The following CTNND2 variants were observed in gnomAD, a reference collection of about 807,000 sequenced individuals.
CTNND2 encodes catenin delta 2, also known as catenin delta-2.
CTNND2 carries 22 observed loss-of-function variants against 144.4 expected under a neutral mutation model. The ratio of observed to expected loss-of-function variants is 0.15; its 90% CI spans 0.11 to 0.22. CTNND2 has a LOEUF of 0.22. Ranked by LOEUF, CTNND2 falls within the 10% of genes least tolerant of loss-of-function variation. The probability of loss-of-function intolerance (pLI) is 1.00; values close to 1 mark genes in which losing one functional copy is unlikely to be tolerated. For missense variants in CTNND2, 1,353 were observed against 1,618.8 expected (o/e 0.84, Z 2.82); for synonymous variants, 751 against 695.6 (o/e 1.08, Z -1.25).
chr5:11,293,422 A>C (rs867852611), intron 9 of CTNND2, among the ~76,000 whole-genome samples: 2 of 152,188 alleles, frequency 1.3e-5, no homozygotes, highest in Admixed American at 1.3e-4. Flanking sequence ...ATCCAAGGGG[A>C]ACTTATTTTT....
intron 9 of CTNND2, among the ~76,000 whole-genome samples, chr5:11,336,923 G>C (rs894129122): frequency 2.0e-5 from 3 of 152,090 alleles, no homozygotes; most frequent in Admixed American, 2.0e-4. Flanking sequence ...GAGGAAGACA[G>C]TCCCTGAGGA....
intron 3 of CTNND2, among the ~76,000 whole-genome samples, chr5:11,521,511 C>CAT (rs1415754998): frequency 4.6e-5 from 7 of 152,174 alleles, no homozygotes. Context: ...ATGCTCAATG[C>CAT]ATGTTTGTCA....
chr5:11,609,692 C>T (rs996041123), intron 2 of CTNND2, among the ~76,000 whole-genome samples: 3 of 152,170 alleles, frequency 2.0e-5, no homozygotes, highest in Non-Finnish European at 4.4e-5. Flanking sequence ...CAAAGGAATG[C>T]CTTGTCCATG....
chr5:11,088,146 T>C (rs563341576), intron 15 of CTNND2, among the ~76,000 whole-genome samples: 1 of 152,350 alleles, frequency 6.6e-6, no homozygotes, highest in Admixed American at 6.5e-5. Flanking sequence ...GCAACTGGTA[T>C]CTAGAAATGC....
chr5:10,998,578 A>G (rs1739591253), intron 18 of CTNND2, among the ~76,000 whole-genome samples: 1 of 152,200 alleles, frequency 6.6e-6, no homozygotes, highest in Non-Finnish European at 1.5e-5. Context: ...CAACACTGCT[A>G]TGCTCAACAA....
intron 2 of CTNND2, among the ~76,000 whole-genome samples, chr5:11,689,908 G>T (rs919755918): frequency 6.6e-6 from 1 of 152,152 alleles, no homozygotes; most frequent in Non-Finnish European, 1.5e-5. Flanking sequence ...ACCACCCATA[G>T]CCTTGAGTCT....
chr5:11,724,846 T>C (rs1030043051), intron 2 of CTNND2, among the ~76,000 whole-genome samples: 6 of 152,216 alleles, frequency 3.9e-5, no homozygotes, highest in African/African-American at 1.4e-4. Flanking sequence ...ACTAAATCTA[T>C]TGACTTGGGG....
chr5:11,413,494 T>G (rs1420601878), intron 3 of CTNND2, among the ~76,000 whole-genome samples: 1 of 152,146 alleles, frequency 6.6e-6, no homozygotes, highest in African/African-American at 2.4e-5. Flanking sequence ...ATACTACTGT[T>G]TAAAGATCAA....
intron 3 of CTNND2, among the ~76,000 whole-genome samples, chr5:11,560,350 C>T (rs1372893903): frequency 2.0e-5 from 3 of 152,166 alleles, no homozygotes; most frequent in Admixed American, 1.3e-4. Flanking sequence ...TTACCCTGAT[C>T]GTCAATCACA....
chr5:11,870,093 G>A (rs1795957966), intron 1 of CTNND2, among the ~76,000 whole-genome samples: 1 of 152,126 alleles, frequency 6.6e-6, no homozygotes. Flanking sequence ...TAGCAAAAGA[G>A]CCCAATGGAG....
chr5:11,458,278 G>C (rs139003709), intron 3 of CTNND2, among the ~76,000 whole-genome samples: 1 of 152,126 alleles, frequency 6.6e-6, no homozygotes, highest in South Asian at 2.1e-4. Context: ...GAACATGCTG[G>C]GCAACTTCCA....
rs571438568 is a variant in CTNND2, at chr5:10,981,566, G to T, written c.3417+207C>A. ...AGGTTCAAAGGCCGTTTGCACATTT[G>T]AGGCTGTTCTGCCGAGTCCAACACA... On this transcript the variant is annotated intron_variant, in intron 21 of 21. Coordinates refer to ENST00000304623, the MANE Select transcript of CTNND2 (RefSeq NM_001332.4). Among the ~76,000 whole-genome samples, 148 of 151,500 alleles carry T rather than the reference G, an allele frequency of 9.8e-4. 2 individuals carry two copies. The highest frequency in any genetic ancestry group is 1.6e-3 in the Non-Finnish European group (110 of 67,936).
At chr5:11,057,096 C>T (rs983220860) in intron 16 of CTNND2, among the ~76,000 whole-genome samples, 1 of 152,332 alleles carries the variant, frequency 6.6e-6, no homozygotes, top group East Asian at 1.9e-4. Flanking sequence ...TTGCCAAAAT[C>T]TCTCCTCCAG....
chr5:11,387,421 A>T (rs1759204312), intron 6 of CTNND2, among the ~76,000 whole-genome samples: 1 of 152,008 alleles, frequency 6.6e-6, no homozygotes, highest in Admixed American at 6.6e-5. Flanking sequence ...GAGGGTGCGG[A>T]GTGGGCCCCA....
At chr5:11,330,210 A>C (rs762943120) in intron 9 of CTNND2, among the ~76,000 whole-genome samples, 10 of 151,218 alleles carry the variant, frequency 6.6e-5, no homozygotes, top group Non-Finnish European at 1.3e-4. Context: ...GGTGGCTCAC[A>C]CCTGTAATCC....
chr5:11,338,311 A>G (rs26012), intron 9 of CTNND2, among the ~76,000 whole-genome samples: 43,797 of 152,084 alleles, frequency 0.29, 6,552 homozygotes, highest in South Asian at 0.36. Context: ...GAACTGGAAC[A>G]TGGGTCTCAC....
At chr5:11,202,791 C>CT (rs984271961) in intron 10 of CTNND2, among the ~76,000 whole-genome samples, 35 of 151,886 alleles carry the variant, frequency 2.3e-4, no homozygotes, top group South Asian at 6.3e-4. Flanking sequence ...TCTCCAATTT[C>CT]TTTTTTTTCT....
At chr5:11,006,488 C>G (rs1219807661) in intron 18 of CTNND2, among the ~76,000 whole-genome samples, 3 of 152,246 alleles carry the variant, frequency 2.0e-5, no homozygotes, top group African/African-American at 4.8e-5. Context: ...GCTGACCCAT[C>G]TACTTGAACA....
In CTNND2 at chr5:11,532,369, C is replaced by T. The variant is rs977457841; in HGVS notation, c.287+32575G>A. On this transcript the variant is annotated intron_variant, in intron 3 of 21. Coordinates refer to ENST00000304623, the MANE Select transcript of CTNND2 (RefSeq NM_001332.4). ...AATAAACTATTCTCCGTATCTTAGT[C>T]GGTTTCCCAGGGAACCTGAATAATG... 5.9e-5 allele frequency among the ~76,000 whole-genome samples: 8 copies of T among 135,528 alleles called. No homozygotes were observed. In the South Asian group the frequency reaches 1.7e-3, roughly 29 times the overall value. The allele number at this position is 135,528 out of a possible 152,430, so 88.9% of individuals were successfully genotyped here. A position where few individuals can be genotyped will look rare whatever the true frequency, so the allele number is the denominator to read the frequency against.
Sources: allele counts gnomAD v4.1 joint callset (sites outside exome capture counted in the v4.1 genomes callset), GRCh38; gene constraint gnomAD v4.1.1; transcripts MANE v1.5; gene names NCBI Gene and HGNC (gene_info 2026-07-23, HGNC 2026-07-21).